Variants in DYNC2I1 observed in about 807,000 individuals in gnomAD.
DYNC2I1 encodes cytoplasmic dynein 2 intermediate chain 1.
A neutral mutation model predicts 133.4 loss-of-function variants in DYNC2I1; 89 were observed. That is an observed-to-expected ratio of 0.67 (90% CI 0.56 to 0.80). The LOEUF (loss-of-function observed/expected upper bound fraction) is 0.80. Ranked by LOEUF, DYNC2I1 falls within the 30% of genes least tolerant of loss-of-function variation. DYNC2I1 has a pLI of 0.00. For synonymous variants in DYNC2I1, 504 were observed against 484.3 expected (o/e 1.04, Z -0.54); for missense variants, 1,291 against 1,314.5 (o/e 0.98, Z 0.28).
At chr7:158,872,268 A>T (rs1231322248) in intron 3 of DYNC2I1, among the ~76,000 whole-genome samples, 3 of 152,126 alleles carry the variant, frequency 2.0e-5, no homozygotes, top group African/African-American at 7.2e-5. Flanking sequence ...ATAAGCTATG[A>T]TTGTGCCACT....
At chr7:158,891,426 C>A in intron 8 of DYNC2I1, 93 bp downstream of exon 8, 1 of 1,363,240 alleles carries the variant, frequency 7.3e-7, no homozygotes, top group Non-Finnish European at 1.0e-6. Flanking sequence ...TTTGCTAGTG[C>A]AATTATTGTC....
At chr7:158,884,713 C>T in intron 6 of DYNC2I1, 94 bp downstream of exon 6, 15 of 1,309,436 alleles carry the variant, frequency 1.1e-5, no homozygotes, top group Non-Finnish European at 1.6e-5. Flanking sequence ...GACGGCCAGT[C>T]CATGGCAATC....
intron 10 of DYNC2I1, chr7:158,904,069 A>G (rs1846511238): frequency 6.6e-6 from 1 of 152,250 alleles, no homozygotes; most frequent in South Asian, 2.1e-4. Context: ...AGACTAGCAC[A>G]GTGTTGACAT....
chr7:158,888,580 G>A (rs971837707), intron 7 of DYNC2I1, among the ~76,000 whole-genome samples: 9 of 150,146 alleles, frequency 6.0e-5, no homozygotes, highest in East Asian at 2.0e-4. Context: ...CAAGCGATTC[G>A]TGCCTCAGCC....
At chr7:158,909,202 A>G (rs901810511) in intron 11 of DYNC2I1, among the ~76,000 whole-genome samples, 1 of 151,934 alleles carries the variant, frequency 6.6e-6, no homozygotes, top group Non-Finnish European at 1.5e-5. Context: ...ATGGTGGCAC[A>G]TGCCTGTAAT....
the DYNC2I1 span, among the ~76,000 whole-genome samples, chr7:158,848,899 G>T: frequency 5.3e-5 from 8 of 151,032 alleles, no homozygotes; most frequent in Non-Finnish European, 2.9e-5. Flanking sequence ...CTCCAGCCTG[G>T]GCAACAGAGT....
the DYNC2I1 span, among the ~76,000 whole-genome samples, chr7:158,842,568 A>G: frequency 6.6e-6 from 1 of 152,184 alleles, no homozygotes. Flanking sequence ...GCCCGCACTG[A>G]GTTTGGTGCC....
intron 8 of DYNC2I1, among the ~76,000 whole-genome samples, chr7:158,899,522 T>C (rs1031160841): frequency 6.6e-6 from 1 of 152,242 alleles, no homozygotes; most frequent in Non-Finnish European, 1.5e-5. Context: ...CTGACCTATA[T>C]TATTTTCCTT....
In DYNC2I1 at chr7:158,879,075, G is replaced by A. The variant is rs148383454; in HGVS notation, c.574-609G>A. Among the ~76,000 whole-genome samples the A allele has an allele frequency of 4.1e-3, 617 of 152,282 alleles. 10 individuals are homozygous for A. Among genetic ancestry groups the A allele is most frequent in the African/African-American group, 0.014 (563 of 41,536 alleles). On this transcript the variant is annotated intron_variant, in intron 4 of 24. Coordinates refer to ENST00000407559, the MANE Select transcript of DYNC2I1 (RefSeq NM_018051.5). ...CCGTGAGTGTCGGGCACCATGTGGG[G>A]AGGCATTGCTTTCTCTGTGGGAGCG...
chr7:158,841,182 TA>T, the DYNC2I1 span, among the ~76,000 whole-genome samples: 26 of 16,684 alleles, frequency 1.6e-3, 1 homozygote, highest in East Asian at 0.012. Flanking sequence ...TATATATATA[TA>T]TATATATATA....
the DYNC2I1 span, among the ~76,000 whole-genome samples, chr7:158,851,156 T>G: frequency 2.0e-5 from 3 of 152,216 alleles, no homozygotes; most frequent in Admixed American, 2.0e-4. Context: ...AATATAGTTA[T>G]TCACATACAT....
intron 11 of DYNC2I1, among the ~76,000 whole-genome samples, 160 bp from the exon 12 acceptor site, chr7:158,911,387 AGTT>A (rs569248519): frequency 1.3e-3 from 199 of 152,314 alleles, no homozygotes; most frequent in African/African-American, 4.3e-3. Flanking sequence ...TCTACTACTC[AGTT>A]ATTTTTAACA....
rs767118719 is a variant in DYNC2I1, at chr7:158,879,996, C to T, written c.879+7C>T. ...CAGGAAAAGGGAATCCCAGGTACCC[C>T]TTCTGATGCTTCGTTGCCTTAGCAG... On this transcript the variant is annotated splice_region_variant and intron_variant, in intron 5 of 24. Transcript: ENST00000407559. 1 of 1,574,952 alleles carries T rather than the reference C, an allele frequency of 6.3e-7. No homozygotes were observed. The highest frequency in any genetic ancestry group is 8.6e-7 in the Non-Finnish European group (1 of 1,165,868).
chr7:158,915,029 T>C (rs1377353304), intron 14 of DYNC2I1, among the ~76,000 whole-genome samples: 1 of 151,834 alleles, frequency 6.6e-6, no homozygotes, highest in Non-Finnish European at 1.5e-5. Flanking sequence ...CACTGAAGAG[T>C]GGAACGTTGT....
chr7:158,883,472 G>A (rs1194260252), intron 5 of DYNC2I1, among the ~76,000 whole-genome samples: 3 of 151,208 alleles, frequency 2.0e-5, no homozygotes, highest in African/African-American at 4.9e-5. Flanking sequence ...TCCTGCCTTG[G>A]CCTACCAAGG....
intron 1 of DYNC2I1, among the ~76,000 whole-genome samples, chr7:158,864,674 A>ATTT (rs549904988): frequency 2.1e-5 from 3 of 144,422 alleles, no homozygotes; most frequent in Non-Finnish European, 3.0e-5. Flanking sequence ...TGCTTGGCTG[A>ATTT]TTTTTTTTTT....
chr7:158,944,669 G>T (rs146641032), intron 24 of DYNC2I1, among the ~76,000 whole-genome samples: 159 of 152,306 alleles, frequency 1.0e-3, no homozygotes, highest in Non-Finnish European at 1.9e-3. Context: ...TAGCTGTCAG[G>T]TTGGATGTGA....
downstream of DYNC2I1, among the ~76,000 whole-genome samples, chr7:158,949,481 G>A (rs879338448): frequency 2.0e-5 from 3 of 151,966 alleles, no homozygotes; most frequent in Non-Finnish European, 4.4e-5. Flanking sequence ...GTGTGTAGAC[G>A]AGAGCCAGGG....
the DYNC2I1 span, among the ~76,000 whole-genome samples, chr7:158,842,307 A>G: frequency 0.23 from 35,003 of 152,198 alleles, 5,330 homozygotes; most frequent in East Asian, 0.6. Context: ...CATTACAGGC[A>G]TGAGCCACCA....
Sources: gnomAD v4.1 joint callset for allele counts (sites outside exome capture counted in the v4.1 genomes callset) on GRCh38, gnomAD v4.1.1 for gene constraint, MANE v1.5 for transcripts, NCBI Gene and HGNC (gene_info 2026-07-23, HGNC 2026-07-21) for gene names.